PRR16: variants seen among roughly 807,000 people sequenced by gnomAD.
PRR16 encodes the protein protein Largen.
In PRR16, 6 loss-of-function variants were observed where a neutral mutation model predicts 18.2. The observed-to-expected ratio is 0.33, with a 90% CI of 0.18 to 0.65. The LOEUF is 0.65. Ranked by LOEUF, PRR16 falls within the 30% of genes least tolerant of loss-of-function variation. The pLI, the probability that PRR16 is intolerant of heterozygous loss-of-function variation, is 0.74. For missense variants in PRR16, 412 were observed against 376.6 expected, an observed-to-expected ratio of 1.09 and a Z score of -0.78; for synonymous variants, 151 against 147.8, an observed-to-expected ratio of 1.02 and a Z score of -0.16.
At chr5:120,705,300 T>C in the PRR16 span, among the ~76,000 whole-genome samples, 1 of 152,032 alleles carries the variant, frequency 6.6e-6, no homozygotes, top group Non-Finnish European at 1.5e-5. Context: ...AACTATCCAA[T>C]AAAATATCCC....
At chr5:120,712,330 T>C in the PRR16 span, among the ~76,000 whole-genome samples, 1 of 152,186 alleles carries the variant, frequency 6.6e-6, no homozygotes, top group Non-Finnish European at 1.5e-5. Context: ...ATTAGATCTC[T>C]AGACTTATTT....
chr5:120,522,754 C>T (rs964292086), intron 1 of PRR16, among the ~76,000 whole-genome samples: 21 of 151,840 alleles, frequency 1.4e-4, no homozygotes, highest in Admixed American at 5.9e-4. Flanking sequence ...TACAGGCGCC[C>T]GCCACCATGC....
chr5:120,547,281 C>A (rs1336903172), intron 1 of PRR16, among the ~76,000 whole-genome samples: 1 of 152,078 alleles, frequency 6.6e-6, no homozygotes, highest in Non-Finnish European at 1.5e-5. Flanking sequence ...GAGCCCAAAC[C>A]ATTATCCATT....
At chr5:120,715,572 A>G in the PRR16 span, among the ~76,000 whole-genome samples, 1 of 152,218 alleles carries the variant, frequency 6.6e-6, no homozygotes, top group African/African-American at 2.4e-5. Context: ...TATCAATGCT[A>G]TCTGCAATTT....
At chr5:120,548,287 CATT>C (rs1391576835) in intron 1 of PRR16, among the ~76,000 whole-genome samples, 1 of 152,050 alleles carries the variant, frequency 6.6e-6, no homozygotes, top group African/African-American at 2.4e-5. Context: ...CACATGCAGA[CATT>C]ATTTTTTGGA....
chr5:120,686,975 G>A lies in PRR16; in HGVS notation c.*266G>A. The A allele has an allele frequency of 3.7e-6, 1 of 271,000 alleles. No individual in the cohort carries two copies. Among genetic ancestry groups the A allele is most frequent in the Non-Finnish European group, 6.8e-6 (1 of 146,710 alleles). 16.8% of individuals were successfully genotyped at this position (271,000 alleles called of 1,614,324 possible). On this transcript the variant is annotated 3_prime_UTR_variant, in exon 2 of 2. Transcript: ENST00000407149. ...TTGCAATTGACCTATGACAAACTGT[G>A]AACCTGCAGATTTCACCTATTTTGA...
the PRR16 span, among the ~76,000 whole-genome samples, chr5:120,698,113 G>A: frequency 7.9e-3 from 1,200 of 152,178 alleles, 12 homozygotes; most frequent in African/African-American, 0.026. Context: ...CTTTTTGGGG[G>A]TGGTATGGAG....
intron 1 of PRR16, among the ~76,000 whole-genome samples, chr5:120,567,822 A>G (rs1752784165): frequency 6.6e-6 from 1 of 152,144 alleles, no homozygotes; most frequent in Non-Finnish European, 1.5e-5. Flanking sequence ...TGAGTCAATT[A>G]AACTTCTTTT....
intron 1 of PRR16, among the ~76,000 whole-genome samples, chr5:120,519,669 C>T (rs1421481514): frequency 6.6e-6 from 1 of 152,020 alleles, no homozygotes; most frequent in Non-Finnish European, 1.5e-5. Context: ...TTAAAACTCT[C>T]AGGAAGCTAT....
chr5:120,714,558 A>G, the PRR16 span, among the ~76,000 whole-genome samples: 8 of 135,508 alleles, frequency 5.9e-5, no homozygotes, highest in Non-Finnish European at 1.2e-4. Flanking sequence ...AATTAGTTCA[A>G]CCATTGTAGA....
At chr5:120,769,281 C>T in the PRR16 span, among the ~76,000 whole-genome samples, 1 of 151,740 alleles carries the variant, frequency 6.6e-6, no homozygotes, top group African/African-American at 2.4e-5. Context: ...CACTATGATA[C>T]CATCACCAGT....
At chr5:120,741,636 C>T in the PRR16 span, among the ~76,000 whole-genome samples, 1 of 152,092 alleles carries the variant, frequency 6.6e-6, no homozygotes, top group Non-Finnish European at 1.5e-5. Flanking sequence ...GTATCTCGCT[C>T]TGTTGCCCAG....
At chr5:120,510,068 G>T (rs962729140) in intron 1 of PRR16, among the ~76,000 whole-genome samples, 1 of 152,094 alleles carries the variant, frequency 6.6e-6, no homozygotes, top group East Asian at 1.9e-4. Context: ...AAGAGTTAAA[G>T]GTCCTTAGGT....
chr5:120,603,142 C>T (rs1035615624), intron 1 of PRR16, among the ~76,000 whole-genome samples: 1 of 151,872 alleles, frequency 6.6e-6, no homozygotes, highest in Non-Finnish European at 1.5e-5. Flanking sequence ...TAGTTGGAAC[C>T]AACTCTTCCT....
intron 1 of PRR16, among the ~76,000 whole-genome samples, chr5:120,520,816 C>T (rs300957): frequency 0.62 from 94,517 of 151,934 alleles, 34,077 homozygotes; most frequent in East Asian, 0.95. Context: ...GGAGTTCTGT[C>T]TCTTTCTACC....
At chr5:120,758,056 CTAT>C in the PRR16 span, among the ~76,000 whole-genome samples, 2 of 151,824 alleles carry the variant, frequency 1.3e-5, no homozygotes, top group African/African-American at 2.4e-5. Flanking sequence ...ACATGTTACT[CTAT>C]TATTCTTGTA....
At chr5:120,470,908 A>AT (rs112007695) in intron 1 of PRR16, among the ~76,000 whole-genome samples, 47 of 149,028 alleles carry the variant, frequency 3.2e-4, no homozygotes, top group East Asian at 9.8e-4. Flanking sequence ...CACGTTTCCT[A>AT]TTTTTTTTTT....
intron 1 of PRR16, among the ~76,000 whole-genome samples, chr5:120,674,381 G>A (rs1756723830): frequency 1.3e-5 from 2 of 152,138 alleles, no homozygotes; most frequent in African/African-American, 4.8e-5. Flanking sequence ...GAATGGATGT[G>A]AAGGAAGTAA....
At chr5:120,649,432 A>G (rs937935270) in intron 1 of PRR16, among the ~76,000 whole-genome samples, 1 of 152,136 alleles carries the variant, frequency 6.6e-6, no homozygotes. Context: ...AGCAGAATCT[A>G]TTTTTGAGGA....
Sources: allele counts gnomAD v4.1 joint callset (sites outside exome capture counted in the v4.1 genomes callset), GRCh38; gene constraint gnomAD v4.1.1; transcripts MANE v1.5; gene names NCBI Gene and HGNC (gene_info 2026-07-23, HGNC 2026-07-21).